SIPA1L1: variants seen among roughly 807,000 people sequenced by gnomAD.
SIPA1L1 encodes signal-induced proliferation-associated 1-like protein 1.
Under a neutral mutation model 162.7 loss-of-function variants are expected in SIPA1L1, and 26 were observed. That is an observed-to-expected ratio of 0.16 (90% CI 0.12 to 0.22). The LOEUF (loss-of-function observed/expected upper bound fraction) is 0.22, where lower values mean the gene tolerates loss of function less well. Ranked by LOEUF, SIPA1L1 falls within the 10% of genes least tolerant of loss-of-function variation. SIPA1L1 has a pLI of 1.00. For missense variants in SIPA1L1, 1,874 were observed against 2,241.0 expected (o/e 0.84, Z 3.31); for synonymous variants, 829 against 837.4 (o/e 0.99, Z 0.17).
At chr14:71,449,169 C>A (rs2045630990) in intron 2 of SIPA1L1, among the ~76,000 whole-genome samples, 1 of 152,146 alleles carries the variant, frequency 6.6e-6, no homozygotes, top group Admixed American at 6.5e-5. Flanking sequence ...AGAGGGACAG[C>A]AAAAGGCTGC....
intron 2 of SIPA1L1, among the ~76,000 whole-genome samples, chr14:71,510,145 T>C (rs1027121181): frequency 9.2e-5 from 14 of 151,782 alleles, no homozygotes; most frequent in African/African-American, 3.4e-4. Flanking sequence ...TTTTTGTTTC[T>C]GCTCATGCTA....
intron 2 of SIPA1L1, among the ~76,000 whole-genome samples, chr14:71,427,208 C>T (rs1313949016): frequency 7.9e-5 from 12 of 151,296 alleles, no homozygotes; most frequent in Admixed American, 2.0e-4. Context: ...TCTTGCAAGA[C>T]GGGTCTAATG....
chr14:71,458,735 T>G (rs955626735), intron 2 of SIPA1L1, among the ~76,000 whole-genome samples: 6 of 152,150 alleles, frequency 3.9e-5, no homozygotes, highest in African/African-American at 1.4e-4. Context: ...CATTTCTCCC[T>G]TGACATTGCA....
intron 4 of SIPA1L1, among the ~76,000 whole-genome samples, chr14:71,538,955 A>AT (rs1255956164): frequency 2.0e-5 from 3 of 152,258 alleles, no homozygotes; most frequent in Non-Finnish European, 4.4e-5. Flanking sequence ...CTGCAGTCAT[A>AT]CAGGGTTGCT....
At chr14:71,630,690 G>T (rs2040478391) in intron 7 of SIPA1L1, among the ~76,000 whole-genome samples, 1 of 152,050 alleles carries the variant, frequency 6.6e-6, no homozygotes, top group African/African-American at 2.4e-5. Context: ...TTTACATTCA[G>T]GGGTTCCATT....
chr14:71,604,884 G>T (rs2037305045), intron 5 of SIPA1L1, among the ~76,000 whole-genome samples: 1 of 151,898 alleles, frequency 6.6e-6, no homozygotes. Flanking sequence ...TATTGTTTCT[G>T]TTTGGGGATC....
intron 7 of SIPA1L1, 139 bp downstream of exon 7, chr14:71,624,375 A>G (rs1004310378): frequency 1.4e-5 from 10 of 716,760 alleles, no homozygotes; most frequent in Middle Eastern, 6.8e-4. Flanking sequence ...GCAATTACTC[A>G]TTTTGTTTTT....
chr14:71,525,189 C>CTT (rs111372962), intron 3 of SIPA1L1, among the ~76,000 whole-genome samples: 16 of 142,736 alleles, frequency 1.1e-4, no homozygotes, highest in African/African-American at 3.6e-4. Flanking sequence ...GCCCAACTGA[C>CTT]TTTTTTTTTT....
chr14:71,435,029 G>A (rs987298882), intron 2 of SIPA1L1, among the ~76,000 whole-genome samples: 4 of 152,092 alleles, frequency 2.6e-5, no homozygotes, highest in Admixed American at 6.5e-5. Flanking sequence ...CAGTGCTACA[G>A]TGGCTATCCT....
chr14:71,503,349 A>T (rs914851665), intron 2 of SIPA1L1, among the ~76,000 whole-genome samples: 2 of 152,208 alleles, frequency 1.3e-5, no homozygotes, highest in African/African-American at 2.4e-5. Flanking sequence ...TCTCTGAGTA[A>T]ACTGCTGTCC....
At chr14:71,543,634 C>T (rs1420833540) in intron 4 of SIPA1L1, among the ~76,000 whole-genome samples, 2 of 149,774 alleles carry the variant, frequency 1.3e-5, no homozygotes, top group East Asian at 1.9e-4. Context: ...TTTGCTATTT[C>T]CTGATGACTG....
At chr14:71,404,992 G>C (rs929660897) in intron 2 of SIPA1L1, among the ~76,000 whole-genome samples, 1 of 152,142 alleles carries the variant, frequency 6.6e-6, no homozygotes, top group African/African-American at 2.4e-5. Context: ...TAAGCTCTAG[G>C]CATTTAAGGA....
intron 5 of SIPA1L1, among the ~76,000 whole-genome samples, chr14:71,605,257 CTT>C (rs959670530): frequency 4.6e-5 from 7 of 151,940 alleles, no homozygotes; most frequent in Admixed American, 2.0e-4. Flanking sequence ...ATTTCTATCT[CTT>C]TGGTAAATTT....
At chr14:71,542,423 CCTG>C (rs927103529) in intron 4 of SIPA1L1, among the ~76,000 whole-genome samples, 3 of 150,648 alleles carry the variant, frequency 2.0e-5, no homozygotes, top group South Asian at 4.2e-4. Context: ...GCTTCTTCTT[CCTG>C]CTGCTGCTGC....
Position 71,555,745 on chromosome 14 carries a change from G to A in SIPA1L1, c.-303+26375G>A, listed in dbSNP as rs57476769. ...CTTTCAAGTTTCGCTTGAACTTAGAGGCCATTCTAATTTCAGTGTTGTGGT... is the reference window on the plus strand; with the variant it reads ...CTTTCAAGTTTCGCTTGAACTTAGAAGCCATTCTAATTTCAGTGTTGTGGT... On this transcript the variant is annotated intron_variant, in intron 4 of 23. Coordinates refer to ENST00000381232, the MANE Select transcript of SIPA1L1 (RefSeq NM_001386936.1). Among the ~76,000 whole-genome samples, 829 of 152,200 alleles carry A rather than the reference G, an allele frequency of 5.4e-3. 10 individuals are homozygous for A. Among genetic ancestry groups the A allele is most frequent in the African/African-American group, 0.019 (804 of 41,522 alleles).
intron 2 of SIPA1L1, among the ~76,000 whole-genome samples, chr14:71,508,883 T>A (rs1241533675): frequency 6.6e-6 from 1 of 152,208 alleles, no homozygotes; most frequent in African/African-American, 2.4e-5. Context: ...AATTCAGCTT[T>A]GCTGTAAAGA....
intron 4 of SIPA1L1, among the ~76,000 whole-genome samples, chr14:71,536,275 C>A (rs964456338): frequency 6.6e-6 from 1 of 152,184 alleles, no homozygotes; most frequent in African/African-American, 2.4e-5. Flanking sequence ...CTCTGATGCT[C>A]AGGATAACTT....
intron 2 of SIPA1L1, among the ~76,000 whole-genome samples, chr14:71,371,823 T>C (rs1422927171): frequency 6.6e-6 from 1 of 152,212 alleles, no homozygotes; most frequent in East Asian, 1.9e-4. Flanking sequence ...TAAGCAAAGG[T>C]ATGGTTTCAC....
intron 2 of SIPA1L1, among the ~76,000 whole-genome samples, chr14:71,411,915 G>A (rs987599229): frequency 5.9e-5 from 9 of 152,188 alleles, no homozygotes; most frequent in African/African-American, 2.2e-4. Context: ...AATTCTGATG[G>A]AATCTTTCTA....
Sources: allele counts gnomAD v4.1 joint callset (sites outside exome capture counted in the v4.1 genomes callset), GRCh38; gene constraint gnomAD v4.1.1; transcripts MANE v1.5; gene names NCBI Gene and HGNC (gene_info 2026-07-23, HGNC 2026-07-21).